The following DOCK4 variants were observed in gnomAD, a reference collection of about 807,000 sequenced individuals.
DOCK4 encodes dedicator of cytokinesis protein 4.
DOCK4 carries 97 observed loss-of-function variants against 268.1 expected under a neutral mutation model. The ratio of observed to expected loss-of-function variants is 0.36; its 90% CI spans 0.31 to 0.43. DOCK4 has a LOEUF of 0.43. DOCK4 is among the 20% of genes least tolerant of loss of function. The pLI is 1.00. For missense variants in DOCK4, 2,145 were observed against 2,455.7 expected (o/e 0.87, Z 2.67); for synonymous variants, 954 against 887.2 (o/e 1.08, Z -1.34).
chr7:112,075,952 T>C (rs1214842672), intron 1 of DOCK4, among the ~76,000 whole-genome samples: 2 of 152,198 alleles, frequency 1.3e-5, no homozygotes, highest in African/African-American at 4.8e-5. Context: ...CTATCTGATA[T>C]TTTATCTTAT....
chr7:112,017,956 G>A (rs574357461), intron 1 of DOCK4, among the ~76,000 whole-genome samples: 1 of 151,772 alleles, frequency 6.6e-6, no homozygotes, highest in East Asian at 1.9e-4. Context: ...CCTAAAAGAG[G>A]CAGGTGGATC....
intron 1 of DOCK4, among the ~76,000 whole-genome samples, chr7:112,015,459 A>G (rs574807697): frequency 6.6e-6 from 1 of 152,288 alleles, no homozygotes; most frequent in African/African-American, 2.4e-5. Flanking sequence ...CCATTCTTTT[A>G]TCTCTACTTC....
chr7:111,783,779 G>A (rs1181300622), intron 34 of DOCK4, 78 bp downstream of exon 34: 8 of 1,266,616 alleles, frequency 6.3e-6, no homozygotes, highest in African/African-American at 3.0e-5. Context: ...AGAGTGGAAC[G>A]TTGATTGTAT....
chr7:111,940,361 C>G (rs1274167398), intron 10 of DOCK4, 119 bp from the exon 11 acceptor site: 1 of 1,321,942 alleles, frequency 7.6e-7, no homozygotes, highest in Non-Finnish European at 1.1e-6. Context: ...TAAAGAGCAC[C>G]CAGGTTGGGC....
intron 12 of DOCK4, among the ~76,000 whole-genome samples, chr7:111,923,573 C>T (rs1306341112): frequency 1.3e-5 from 2 of 151,974 alleles, no homozygotes; most frequent in Non-Finnish European, 2.9e-5. Flanking sequence ...GCATTTTATC[C>T]TCTGCAAAAG....
At chr7:111,950,071 C>T (rs1007971204) in intron 8 of DOCK4, among the ~76,000 whole-genome samples, 14 of 152,264 alleles carry the variant, frequency 9.2e-5, no homozygotes, top group African/African-American at 1.2e-4. Flanking sequence ...GGACTACAGA[C>T]GCATGCCACC....
chr7:111,976,272 TATATATATA>T (rs1562954389), intron 8 of DOCK4, among the ~76,000 whole-genome samples: 66 of 1,918 alleles, frequency 0.034, 4 homozygotes, highest in African/African-American at 0.055. Flanking sequence ...GTGTCTATTA[TATATATATA>T]TATATATATA....
At chr7:111,916,967 C>T (rs1218619016) in intron 12 of DOCK4, among the ~76,000 whole-genome samples, 2 of 149,942 alleles carry the variant, frequency 1.3e-5, no homozygotes, top group Admixed American at 1.3e-4. Context: ...CCACCTCCCA[C>T]CCTTTCCCCC....
intron 1 of DOCK4, among the ~76,000 whole-genome samples, chr7:112,106,294 C>T (rs1420317548): frequency 6.6e-6 from 1 of 152,146 alleles, no homozygotes; most frequent in African/African-American, 2.4e-5. Flanking sequence ...TATTCTAAAC[C>T]ACGGATGAGG....
intron 1 of DOCK4, among the ~76,000 whole-genome samples, chr7:112,053,079 T>A (rs1172560230): frequency 6.6e-6 from 1 of 152,198 alleles, no homozygotes; most frequent in Admixed American, 6.6e-5. Context: ...ACACATAATA[T>A]GATTCTGTTC....
intron 30 of DOCK4, 94 bp downstream of exon 30, chr7:111,808,727 T>C (rs988250862): frequency 4.7e-6 from 6 of 1,270,588 alleles, no homozygotes; most frequent in South Asian, 2.7e-5. Context: ...TGGTTTCACA[T>C]GGTGTCACTG....
chr7:112,162,119 T>G (rs185619128), intron 1 of DOCK4, among the ~76,000 whole-genome samples: 1 of 152,302 alleles, frequency 6.6e-6, no homozygotes, highest in African/African-American at 2.4e-5. Flanking sequence ...TTTTGCGTAT[T>G]CCCAAAGAAA....
chr7:112,045,543 C>T (rs1437778754), intron 1 of DOCK4, among the ~76,000 whole-genome samples: 4 of 152,188 alleles, frequency 2.6e-5, no homozygotes, highest in Admixed American at 1.3e-4. Flanking sequence ...ATGAACAACT[C>T]AGCAAATAAT....
chr7:111,738,832 G>T (rs556335842), intron 49 of DOCK4, among the ~76,000 whole-genome samples: 18 of 152,238 alleles, frequency 1.2e-4, no homozygotes, highest in African/African-American at 4.3e-4. Context: ...CAACTACTCG[G>T]GAGGCTGAGA....
At chr7:112,177,333 C>T (rs1818624305) in intron 1 of DOCK4, among the ~76,000 whole-genome samples, 1 of 152,166 alleles carries the variant, frequency 6.6e-6, no homozygotes, top group Non-Finnish European at 1.5e-5. Context: ...AATGATAGCA[C>T]CTATTTACCA....
At chr7:112,038,563 T>C (rs1804057515) in intron 1 of DOCK4, among the ~76,000 whole-genome samples, 1 of 152,240 alleles carries the variant, frequency 6.6e-6, no homozygotes, top group South Asian at 2.1e-4. Flanking sequence ...GAGGTGACAG[T>C]ACTGTCACTC....
chr7:111,789,010 C>T (rs1389870713), intron 31 of DOCK4: 1 of 502,590 alleles, frequency 2.0e-6, no homozygotes, highest in African/African-American at 1.9e-5. Context: ...AACACAAATG[C>T]TTGCAGCCCA....
chr7:112,142,032 AGAGCAAATACACT>A (rs1814981806), intron 1 of DOCK4, among the ~76,000 whole-genome samples: 1 of 152,226 alleles, frequency 6.6e-6, no homozygotes, highest in Non-Finnish European at 1.5e-5. Context: ...AACTCTATGA[AGAGCAAATACACT>A]GAGTCTAGGA....
chr7:112,182,839 G>C (rs1054531505), intron 1 of DOCK4, among the ~76,000 whole-genome samples: 2 of 152,342 alleles, frequency 1.3e-5, no homozygotes, highest in African/African-American at 4.8e-5. Flanking sequence ...AGAACACGAT[G>C]GTGGCCTCTG....
Sources: allele counts gnomAD v4.1 joint callset (sites outside exome capture counted in the v4.1 genomes callset), GRCh38; gene constraint gnomAD v4.1.1; transcripts MANE v1.5; gene names NCBI Gene and HGNC (gene_info 2026-07-23, HGNC 2026-07-21).